Variants in RSPH10B observed in about 807,000 individuals in gnomAD.
RSPH10B encodes radial spoke head 10 homolog B (Chlamydomonas).
RSPH10B carries 7 observed loss-of-function variants against 52.5 expected under a neutral mutation model. That is an observed-to-expected ratio of 0.13 (90% CI 0.08 to 0.25). The LOEUF (loss-of-function observed/expected upper bound fraction) is 0.25. Ranked by LOEUF, RSPH10B falls within the 10% of genes least tolerant of loss-of-function variation. The pLI, the probability that RSPH10B is intolerant of heterozygous loss-of-function variation, is 1.00. For missense variants in RSPH10B, 89 were observed against 542.5 expected, an observed-to-expected ratio of 0.16 and a Z score of 8.30; for synonymous variants, 28 against 193.2, an observed-to-expected ratio of 0.14 and a Z score of 7.09.
chr7:5,964,287 GA>G, intron 3 of RSPH10B, among the ~76,000 whole-genome samples: 1 of 150,532 alleles, frequency 6.6e-6, no homozygotes, highest in African/African-American at 2.5e-5. Context: ...TCTGTGCTTA[GA>G]ACACATAGAA....
intron 17 of RSPH10B, 102 bp from the exon 20 acceptor site, chr7:5,928,496 TCTC>T (rs1340342641): frequency 6.5e-5 from 99 of 1,534,692 alleles, no homozygotes; most frequent in Middle Eastern, 1.9e-4. Flanking sequence ...TGGGCCCCCT[TCTC>T]CTCGGCCAGG....
chr7:5,927,084 G>GTATATA (rs1164900886), intron 18 of RSPH10B, among the ~76,000 whole-genome samples: 190 of 106,122 alleles, frequency 1.8e-3, no homozygotes, highest in African/African-American at 6.9e-3. Flanking sequence ...GTGTGTGTGT[G>GTATATA]TGTGTGTGTG....
upstream of RSPH10B, among the ~76,000 whole-genome samples, chr7:5,968,511 AT>A: frequency 1.1e-5 from 1 of 88,482 alleles, no homozygotes; most frequent in Non-Finnish European, 2.5e-5. Context: ...TTATTTATTT[AT>A]TTATTTATTT....
Position 5,927,076 on chromosome 7 carries a change from G to A in RSPH10B, c.2433-528C>T, listed in dbSNP as rs200124138. Among the ~76,000 whole-genome samples the A allele has an allele frequency of 4.6e-3, 601 of 131,108 alleles. 7 individuals are homozygous for A. Among genetic ancestry groups the A allele is most frequent in the East Asian group, 0.039 (174 of 4,490 alleles). 86.0% of individuals were successfully genotyped at this position (131,108 alleles called of 152,430 possible). A position where few individuals can be genotyped will look rare whatever the true frequency, so the allele number is the denominator to read the frequency against. ...TGTGTGTGTGTGTGTGTATATGTGT[G>A]TGTGTGTGTGTGTGTGTGTGTATTT... On this transcript the variant is annotated intron_variant, in intron 18 of 18. Coordinates refer to ENST00000337579, the Ensembl canonical transcript of RSPH10B.
At chr7:5,944,171 C>T (rs1250033391) in intron 11 of RSPH10B, among the ~76,000 whole-genome samples, 181 bp from the exon 14 acceptor site, 4 of 151,020 alleles carry the variant, frequency 2.6e-5, no homozygotes, top group African/African-American at 7.4e-5. Context: ...CCAAGGTGGG[C>T]GGATCACTCG....
chr7:5,931,942 T>C (rs1444483606), intron 17 of RSPH10B, among the ~76,000 whole-genome samples: 1 of 151,350 alleles, frequency 6.6e-6, no homozygotes, highest in Non-Finnish European at 1.5e-5. Flanking sequence ...TGAGCTATGA[T>C]GGCACCACTG....
At chr7:5,944,619 T>G (rs1411319340) in intron 11 of RSPH10B, among the ~76,000 whole-genome samples, 20 of 144,718 alleles carry the variant, frequency 1.4e-4, no homozygotes, top group African/African-American at 5.4e-4. Flanking sequence ...TTAATATTTG[T>G]GGAAAGGTTG....
At chr7:5,926,974 C>T (rs1184449523) in intron 18 of RSPH10B, among the ~76,000 whole-genome samples, 3 of 151,152 alleles carry the variant, frequency 2.0e-5, no homozygotes, top group Non-Finnish European at 2.9e-5. Context: ...AGGCTGGTCT[C>T]AAACTCCTGA....
chr7:5,942,129 G>A (rs2528294), intron 13 of RSPH10B, among the ~76,000 whole-genome samples: 45,908 of 116,824 alleles, frequency 0.39, 6,305 homozygotes, highest in Non-Finnish European at 0.44. Flanking sequence ...TCCTGACCTC[G>A]GGTGATCCAC....
intron 18 of RSPH10B, among the ~76,000 whole-genome samples, chr7:5,927,070 A>ATATGTGTGTG (rs1554284566): frequency 5.4e-4 from 60 of 110,592 alleles, no homozygotes; most frequent in South Asian, 4.2e-3. Flanking sequence ...GTGTGTGTAT[A>ATATGTGTGTG]TGTGTGTGTG....
At chr7:5,948,348 C>G (rs1253922739) in exon 10 of RSPH10B, 3 of 19,052 alleles carry the variant, frequency 1.6e-4, no homozygotes, top group South Asian at 9.6e-4. Context: ...GCATCCCAGG[C>G]TGCTGTAAAA....
chr7:5,966,486 A>G lies in RSPH10B; in HGVS notation c.254+377T>C, dbSNP rs113773844. 4.1e-5 allele frequency among the ~76,000 whole-genome samples: 4 copies of G among 97,314 alleles called. No homozygotes were observed. The East Asian group carries it at 1.0e-3, about 24-fold the overall frequency. The allele number at this position is 97,314 out of a possible 152,430, so 63.8% of individuals were successfully genotyped here. A position where few individuals can be genotyped will look rare whatever the true frequency, so the allele number is the denominator to read the frequency against. On this transcript the variant is annotated intron_variant, in intron 1 of 18. Transcript: ENST00000337579. ...AACCCTCTAAATCTAAAATAAAATA[A>G]TTTTTTTAAATACATAAAATTACCT...
At chr7:5,955,107 G>A (rs1478957108) in intron 7 of RSPH10B, among the ~76,000 whole-genome samples, 1 of 140,272 alleles carries the variant, frequency 7.1e-6, no homozygotes, top group Admixed American at 7.1e-5. Context: ...AGAGGTTGCA[G>A]CGAGCCGAGA....
At chr7:5,970,284 TC>T (rs1300430007), upstream of RSPH10B, 1 of 77,908 alleles carries the variant, frequency 1.3e-5, no homozygotes, top group Non-Finnish European at 2.8e-5. Flanking sequence ...TGCTCTCACC[TC>T]TAAATTTAGA....
chr7:5,944,172 G>A lies in RSPH10B; in HGVS notation c.1530-182C>T, dbSNP rs550155696. Among the ~76,000 whole-genome samples, 64 of 151,162 alleles carry A rather than the reference G, an allele frequency of 4.2e-4. 1 individual carries two copies. Among genetic ancestry groups the A allele is most frequent in the Non-Finnish European group, 7.8e-4 (53 of 67,892 alleles). The stretch of plus-strand genomic sequence containing the variant: ...AGCATTTTGGGAGGCCAAGGTGGGC[G>A]GATCACTCGAGGTCAGGAGTTTAAG... On this transcript the variant is annotated intron_variant, in intron 11 of 18. Transcript: ENST00000337579.
At chr7:5,966,941 T>C (rs1378122765) in exon 1 of RSPH10B, 1 of 1,380,770 alleles carries the variant, frequency 7.2e-7, no homozygotes, top group South Asian at 1.1e-5. Flanking sequence ...TTGGCGGTCT[T>C]TTTTGGGTTT....
At chr7:5,932,627 A>T (rs1583212909) in intron 17 of RSPH10B, among the ~76,000 whole-genome samples, 155 bp downstream of exon 19, 1 of 143,636 alleles carries the variant, frequency 7.0e-6, no homozygotes, top group African/African-American at 2.5e-5. Flanking sequence ...GGATCGCTTG[A>T]GCCCAGGAGT....
At chr7:5,939,971 C>T (rs1195448863) in intron 13 of RSPH10B, among the ~76,000 whole-genome samples, 7 of 107,978 alleles carry the variant, frequency 6.5e-5, no homozygotes, top group Admixed American at 2.1e-4. Flanking sequence ...CCGAGGCAGG[C>T]GGCTCACGAG....
Position 5,938,449 on chromosome 7 carries a change from G to A in RSPH10B, c.1866+273C>T, listed in dbSNP as rs564053973. On this transcript the variant is annotated intron_variant, in intron 14 of 18. Transcript: ENST00000337579. ...AAAAATTAGCCGGGCGTGGTGGCGG[G>A]CGCCTGTAGTCTCAGCTACTCGGGA... 4.6e-3 allele frequency among the ~76,000 whole-genome samples: 487 copies of A among 106,508 alleles called. 5 individuals are homozygous for A. The East Asian group carries it at 0.093, about 20-fold the overall frequency. 69.9% of individuals were successfully genotyped at this position (106,508 alleles called of 152,430 possible).
Sources: gnomAD v4.1 joint callset for allele counts (sites outside exome capture counted in the v4.1 genomes callset) on GRCh38, gnomAD v4.1.1 for gene constraint, MANE v1.5 for transcripts, NCBI Gene and HGNC (gene_info 2026-07-23, HGNC 2026-07-21) for gene names.